Variants in AQR observed in about 807,000 individuals in gnomAD.
AQR encodes aquarius intron-binding spliceosomal factor.
AQR carries 61 observed loss-of-function variants against 180.5 expected under a neutral mutation model. That is an observed-to-expected ratio of 0.34 (90% CI 0.28 to 0.42). The LOEUF (loss-of-function observed/expected upper bound fraction) is 0.42. Ranked by LOEUF, AQR falls within the 10% of genes least tolerant of loss-of-function variation. The pLI is 1.00. For missense variants in AQR, 1,281 were observed against 1,798.3 expected, an observed-to-expected ratio of 0.71 and a Z score of 5.20; for synonymous variants, 551 against 588.8, an observed-to-expected ratio of 0.94 and a Z score of 0.93.
chr15:34,959,044 C>T (rs1393313403), intron 3 of AQR, among the ~76,000 whole-genome samples: 1 of 151,800 alleles, frequency 6.6e-6, no homozygotes, highest in African/African-American at 2.4e-5. Flanking sequence ...TCTGTCTGTC[C>T]GTCTGTCTGA....
At chr15:34,946,896 AG>A (rs1389769861) in intron 5 of AQR, among the ~76,000 whole-genome samples, 2 of 146,974 alleles carry the variant, frequency 1.4e-5, no homozygotes, top group African/African-American at 5.1e-5. Context: ...GGGGGGGGTC[AG>A]CCCCCCGTCC....
rs562439060 is a variant in AQR, at chr15:34,884,663, T to A, written c.2889A>T (p.Glu963Asp). 4 of 1,612,962 alleles carry A rather than the reference T, an allele frequency of 2.5e-6. No individual in the cohort carries two copies. In the African/African-American group the frequency reaches 5.3e-5, roughly 22 times the overall value. Residue 963 changes from glutamate to aspartate, a missense_variant, in exon 26 of 35, where the codon GAA becomes GAT. By Grantham distance (45) the Glu-to-Asp change is conservative. Coordinates refer to ENST00000156471, the MANE Select transcript of AQR (RefSeq NM_014691.3). ...NKGSTLPDVT[E>D]VSTFFPFHEY... ...CATGGAAAGGGAAGAAAGTGGAGAC[T>A]TCCGTAACATCTGGCAATGTACTAC...
intron 26 of AQR, among the ~76,000 whole-genome samples, chr15:34,883,043 A>G (rs1351544148): frequency 6.6e-6 from 1 of 152,200 alleles, no homozygotes; most frequent in East Asian, 1.9e-4. Context: ...GAAATTAGAG[A>G]CAGCAGCAGT....
At chr15:34,948,207 T>C in intron 5 of AQR, 57 bp downstream of exon 5, 1 of 1,572,622 alleles carries the variant, frequency 6.4e-7, no homozygotes, top group Non-Finnish European at 8.6e-7. Flanking sequence ...GTTCTGCCAC[T>C]TTGTAATGGC....
rs1290200891 is a variant in AQR, at chr15:34,897,548, A to G, written c.2390+11T>C. The G allele has an allele frequency of 1.2e-6, 2 of 1,612,876 alleles. No individual in the cohort carries two copies. Among genetic ancestry groups the G allele is most frequent in the Admixed American group, 1.7e-5 (1 of 60,008 alleles). On this transcript the variant is annotated intron_variant, in intron 21 of 34. Transcript: ENST00000156471. Reference sequence around the variant, plus strand: ...GTTCATCATTACAATTATAATAGGTAGTAAAATTACCGTTTGGGTTGATTA... The same window carrying G: ...GTTCATCATTACAATTATAATAGGTGGTAAAATTACCGTTTGGGTTGATTA...
At chr15:34,957,432 C>T (rs1180330523) in intron 3 of AQR, among the ~76,000 whole-genome samples, 4 of 151,944 alleles carry the variant, frequency 2.6e-5, no homozygotes, top group African/African-American at 7.3e-5. Flanking sequence ...GTAGGCCAGG[C>T]GTGGTGGCTC....
At chr15:34,875,727 T>C (rs926740288) in intron 28 of AQR, among the ~76,000 whole-genome samples, 7 of 152,170 alleles carry the variant, frequency 4.6e-5, no homozygotes, top group Non-Finnish European at 8.8e-5. Context: ...AAATTTTAAA[T>C]AGTACTTCTC....
chr15:34,930,505 A>C (rs1242822367), intron 11 of AQR, 134 bp from the exon 12 acceptor site: 1 of 564,114 alleles, frequency 1.8e-6, no homozygotes, highest in Non-Finnish European at 3.2e-6. Flanking sequence ...AACATTACAA[A>C]AAAGATTTTA....
chr15:34,897,509 A>G (rs1368813438), intron 21 of AQR, 50 bp downstream of exon 21: 1 of 1,597,974 alleles, frequency 6.3e-7, no homozygotes, highest in Admixed American at 1.7e-5. Context: ...ATCCAGTTGA[A>G]ATGGCAAACT....
intron 16 of AQR, among the ~76,000 whole-genome samples, chr15:34,913,365 T>C (rs1327921668): frequency 1.3e-5 from 2 of 152,318 alleles, no homozygotes; most frequent in African/African-American, 4.8e-5. Context: ...ATTGGAACCA[T>C]GTAATGAGTA....
intron 31 of AQR, chr15:34,867,907 G>C: frequency 4.1e-6 from 1 of 246,834 alleles, no homozygotes; most frequent in South Asian, 6.3e-5. Context: ...AAAACTTCAT[G>C]AAAGCAGAGA....
intron 19 of AQR, among the ~76,000 whole-genome samples, chr15:34,901,722 T>C (rs566130091): frequency 1.3e-5 from 2 of 152,354 alleles, no homozygotes; most frequent in Non-Finnish European, 2.9e-5. Context: ...GTTCTTACAC[T>C]TACCAGTACC....
In AQR at chr15:34,969,739, G is replaced by T. The variant is rs1438546520; in HGVS notation, c.-126C>A. On this transcript the variant is annotated 5_prime_UTR_variant, in exon 1 of 35. Coordinates refer to ENST00000156471, the MANE Select transcript of AQR (RefSeq NM_014691.3). ...CCGCGCCGCACAAACGCTCCGGGCC[G>T]GATATCCTCAGCCTTCAGAGTCCCG... 3 of 939,704 alleles carry T rather than the reference G, an allele frequency of 3.2e-6. No individual in the cohort carries two copies. Among genetic ancestry groups the T allele is most frequent in the Non-Finnish European group, 4.7e-6 (3 of 641,244 alleles). The allele number at this position is 939,704 out of a possible 1,614,324, so 58.2% of individuals were successfully genotyped here. A position where few individuals can be genotyped will look rare whatever the true frequency, so the allele number is the denominator to read the frequency against.
intron 34 of AQR, among the ~76,000 whole-genome samples, chr15:34,857,659 G>A (rs923074794): frequency 1.4e-4 from 22 of 152,126 alleles, no homozygotes; most frequent in Admixed American, 5.9e-4. Flanking sequence ...GCTGAGGCAG[G>A]AGAATCACTT....
chr15:34,933,120 T>G (rs1566992200), intron 10 of AQR, among the ~76,000 whole-genome samples: 1 of 152,160 alleles, frequency 6.6e-6, no homozygotes, highest in African/African-American at 2.4e-5. Context: ...TATGTGGAGA[T>G]TCCTGTCTTT....
rs561739942 is a variant in AQR, at chr15:34,968,800, A to T, written c.75+739T>A. 2.0e-5 allele frequency among the ~76,000 whole-genome samples: 3 copies of T among 152,344 alleles called. No individual in the cohort carries two copies. The South Asian group carries it at 6.2e-4, about 32-fold the overall frequency. On this transcript the variant is annotated intron_variant, in intron 1 of 34. Coordinates refer to ENST00000156471, the MANE Select transcript of AQR (RefSeq NM_014691.3). ...GAAATGTAGGGACTAAGGGAAAGGG[A>T]GGATTCAAAATCACTCCCTAGGCTT...
chr15:34,944,678 T>C (rs1894082508), intron 5 of AQR, among the ~76,000 whole-genome samples: 1 of 152,182 alleles, frequency 6.6e-6, no homozygotes, highest in African/African-American at 2.4e-5. Context: ...ATTTCTTTAG[T>C]TTTTCCTCTG....
chr15:34,956,696 GAAAA>G (rs565202160), intron 3 of AQR, among the ~76,000 whole-genome samples: 4 of 83,400 alleles, frequency 4.8e-5, no homozygotes, highest in African/African-American at 4.8e-5. Flanking sequence ...TAAGAAGTCA[GAAAA>G]AAAAAAAAAA....
At chr15:34,944,572 C>G in intron 5 of AQR, 144 bp from the exon 6 acceptor site, 1 of 770,716 alleles carries the variant, frequency 1.3e-6, no homozygotes, top group Non-Finnish European at 1.9e-6. Context: ...AGAAGCATCA[C>G]GTGCTTACTT....
Sources: gnomAD v4.1 joint callset for allele counts (sites outside exome capture counted in the v4.1 genomes callset) on GRCh38, gnomAD v4.1.1 for gene constraint, MANE v1.5 for transcripts, NCBI Gene and HGNC (gene_info 2026-07-23, HGNC 2026-07-21) for gene names.